Variants in CENPP observed in about 807,000 individuals in gnomAD.
CENPP encodes the protein centromere protein P.
In CENPP, 24 loss-of-function variants were observed where a neutral mutation model predicts 35.6. That is an observed-to-expected ratio of 0.67 (90% CI 0.49 to 0.95). The LOEUF is 0.95. Among genes scored for constraint, CENPP ranks in the 40% least tolerant of loss-of-function variants. The pLI, the probability that CENPP is intolerant of heterozygous loss-of-function variation, is 0.00. For synonymous variants in CENPP, 120 were observed against 125.5 expected (o/e 0.96, Z 0.29); for missense variants, 332 against 345.3 (o/e 0.96, Z 0.31).
At chr9:92,498,341 C>T (rs1846478261) in intron 5 of CENPP, among the ~76,000 whole-genome samples, 1 of 151,606 alleles carries the variant, frequency 6.6e-6, no homozygotes, top group African/African-American at 2.4e-5. Flanking sequence ...GGAGGTATAC[C>T]TAATATTAAA....
chr9:92,497,874 TAAAAA>T (rs71362393), intron 5 of CENPP, among the ~76,000 whole-genome samples: 2 of 134,878 alleles, frequency 1.5e-5, no homozygotes, highest in Non-Finnish European at 3.2e-5. Flanking sequence ...GCTGGTTGTT[TAAAAA>T]AAAAAAAAAA....
intron 5 of CENPP, among the ~76,000 whole-genome samples, chr9:92,383,374 T>A (rs1421336507): frequency 6.6e-6 from 1 of 152,234 alleles, no homozygotes; most frequent in East Asian, 1.9e-4. Flanking sequence ...TCAGTCTGCA[T>A]ATCATATTGG....
chr9:92,474,656 C>T, intron 5 of CENPP: 1 of 1,613,648 alleles, frequency 6.2e-7, no homozygotes, highest in South Asian at 1.1e-5. Flanking sequence ...TCGTGAATAG[C>T]ACTGACATCC....
intron 5 of CENPP, among the ~76,000 whole-genome samples, chr9:92,446,755 C>T (rs1844561216): frequency 6.7e-6 from 1 of 149,624 alleles, no homozygotes; most frequent in Admixed American, 6.7e-5. Flanking sequence ...ATCTAAAATC[C>T]TCTGGAGAAT....
At chr9:92,569,108 G>A in intron 5 of CENPP, among the ~76,000 whole-genome samples, 1 of 152,186 alleles carries the variant, frequency 6.6e-6, no homozygotes, top group South Asian at 2.1e-4. Flanking sequence ...GTCAATTTTG[G>A]CTTTTGTTGC....
intron 5 of CENPP, among the ~76,000 whole-genome samples, chr9:92,547,490 T>A (rs534658622): frequency 7.9e-5 from 12 of 152,366 alleles, no homozygotes; most frequent in Non-Finnish European, 1.5e-4. Flanking sequence ...AATGTCATAC[T>A]GACACATGCT....
At chr9:92,440,294 T>A (rs1164231593) in intron 5 of CENPP, among the ~76,000 whole-genome samples, 3 of 151,904 alleles carry the variant, frequency 2.0e-5, no homozygotes, top group Non-Finnish European at 4.4e-5. Context: ...AGAAAAAGAA[T>A]TGTCATGGGC....
chr9:92,595,900 G>A (rs1022645746), intron 5 of CENPP, among the ~76,000 whole-genome samples: 4 of 152,022 alleles, frequency 2.6e-5, no homozygotes, highest in African/African-American at 7.2e-5. Flanking sequence ...AGCATTTAAC[G>A]TAAGACTGTG....
At chr9:92,385,535 A>G in intron 5 of CENPP, 1 of 1,177,600 alleles carries the variant, frequency 8.5e-7, no homozygotes, top group South Asian at 1.5e-5. Context: ...GTTAATATTA[A>G]ACCAATACTT....
intron 3 of CENPP, among the ~76,000 whole-genome samples, chr9:92,338,792 G>T (rs1007482158): frequency 6.6e-6 from 1 of 152,114 alleles, no homozygotes; most frequent in Non-Finnish European, 1.5e-5. Context: ...GGTCATCTGG[G>T]ACCACAGCCA....
chr9:92,554,188 C>CT (rs71362402), intron 5 of CENPP, among the ~76,000 whole-genome samples: 38,540 of 146,562 alleles, frequency 0.26, 7,172 homozygotes, highest in African/African-American at 0.53. Flanking sequence ...GTTTTTAATT[C>CT]TTTTTTTTTT....
intron 5 of CENPP, among the ~76,000 whole-genome samples, chr9:92,451,017 T>C (rs1225361788): frequency 8.6e-5 from 13 of 151,976 alleles, no homozygotes; most frequent in Non-Finnish European, 1.6e-4. Flanking sequence ...GATGAGTAGG[T>C]TGCAAAAATT....
intron 5 of CENPP, chr9:92,517,499 G>T: frequency 1.4e-6 from 1 of 736,200 alleles, no homozygotes; most frequent in Non-Finnish European, 2.2e-6. Context: ...TAAAGCCACA[G>T]TCTATTATTT....
At chr9:92,408,067 G>A (rs1843354178) in intron 5 of CENPP, among the ~76,000 whole-genome samples, 1 of 152,196 alleles carries the variant, frequency 6.6e-6, no homozygotes, top group Non-Finnish European at 1.5e-5. Context: ...ACCTCCAAGT[G>A]GATTAGCTTT....
At chr9:92,404,390 C>T (rs1417719194) in intron 5 of CENPP, 1 of 673,024 alleles carries the variant, frequency 1.5e-6, no homozygotes, top group East Asian at 9.9e-5. Flanking sequence ...ATTGAGGTAA[C>T]TGAAACTTAA....
rs150590397 is a variant in CENPP at position 92,480,285 on chromosome 9, G to A, written c.564+100426G>A. ...CTGCTATTACTAATAAATCATAGTA[G>A]CCTAGAGCTAAGAGAGGTCTTTGAG... On this transcript the variant is annotated intron_variant, in intron 5 of 7. Coordinates refer to ENST00000375587, the MANE Select transcript of CENPP (RefSeq NM_001012267.3). 3.2e-3 allele frequency among the ~76,000 whole-genome samples: 482 copies of A among 152,232 alleles called. 3 individuals are homozygous for A. Among genetic ancestry groups the A allele is most frequent in the African/African-American group, 0.011 (452 of 41,534 alleles).
chr9:92,573,763 G>A (rs547655562), intron 5 of CENPP, among the ~76,000 whole-genome samples: 10 of 152,308 alleles, frequency 6.6e-5, no homozygotes, highest in Admixed American at 2.0e-4. Context: ...CGAGCTTCCC[G>A]GCTGCTTTGT....
rs1015165697 is a variant in CENPP at position 92,388,307 on chromosome 9, G to A, written c.564+8448G>A. Among the ~76,000 whole-genome samples the A allele has an allele frequency of 2.6e-5, 4 of 151,528 alleles. No homozygotes were observed. The East Asian group carries it at 5.9e-4, about 22-fold the overall frequency. On this transcript the variant is annotated intron_variant, in intron 5 of 7. Transcript: ENST00000375587. ...CTCCTGAGTAGCTGGGACTACAGGCGCCCACCACCACGCCTAGCTAATTTT... is the reference window on the plus strand; with the variant it reads ...CTCCTGAGTAGCTGGGACTACAGGCACCCACCACCACGCCTAGCTAATTTT...
At chr9:92,494,449 A>T (rs1564351942) in intron 5 of CENPP, among the ~76,000 whole-genome samples, 1 of 152,204 alleles carries the variant, frequency 6.6e-6, no homozygotes, top group Non-Finnish European at 1.5e-5. Flanking sequence ...TCCTAAACTG[A>T]TTATGAAGCT....
Sources: allele counts gnomAD v4.1 joint callset (sites outside exome capture counted in the v4.1 genomes callset), GRCh38; gene constraint gnomAD v4.1.1; transcripts MANE v1.5; gene names NCBI Gene and HGNC (gene_info 2026-07-23, HGNC 2026-07-21).